Variants in FAAH2 observed in about 807,000 individuals in gnomAD.
FAAH2 encodes fatty-acid amide hydrolase 2.
FAAH2 carries 60 observed loss-of-function variants against 36.9 expected under a neutral mutation model. The observed-to-expected ratio is 1.63, with a 90% CI of 1.32 to 2.02. The LOEUF is 2.02. Ranked by LOEUF, FAAH2 falls within the 30% of genes most tolerant of loss-of-function variation. The pLI, the probability that FAAH2 is intolerant of heterozygous loss-of-function variation, is 0.00. For synonymous variants in FAAH2, 214 were observed against 143.8 expected (o/e 1.49, Z -3.49); for missense variants, 689 against 397.5 (o/e 1.73, Z -6.23).
At position 57,310,613 on chromosome X, in the gene FAAH2, AG is replaced by A. The variant is rs1569248202; in HGVS notation, c.298del (p.Ala100LeufsTer4). The A allele has an allele frequency of 8.3e-7, 1 of 1,205,135 alleles. No homozygotes were observed. The highest frequency in any genetic ancestry group is 1.1e-6 in the Non-Finnish European group (1 of 893,147). On this transcript the variant is annotated frameshift_variant, in exon 3 of 11. Transcript: ENST00000374900. LOFTEE classifies it high-confidence loss of function. ...CTTAGGTTTGAGGAAGCGATGAAGG[AG>A]GCTCATGCTGTAGATCAAAAGCTTG... ...VKYRFEEAMKEAHAVDQKLAE... is the reference protein window; with the variant it reads ...VKYRFEEAMKXAHAVDQKLAE...
At chrX:57,228,390 G>A in the FAAH2 span, among the ~76,000 whole-genome samples, 1 of 111,165 alleles carries the variant, frequency 9.0e-6, no homozygotes, top group Admixed American at 9.6e-5. Flanking sequence ...GTAAAGTTGG[G>A]AACTTCTCCC....
At chrX:57,173,711 A>C in the FAAH2 span, among the ~76,000 whole-genome samples, 17 of 111,672 alleles carry the variant, frequency 1.5e-4, no homozygotes, top group Non-Finnish European at 2.6e-4. Flanking sequence ...TGGGTTTGTC[A>C]TATGGTTTTT....
chrX:57,392,207 T>G (rs1279163849), intron 7 of FAAH2, among the ~76,000 whole-genome samples: 1 of 111,219 alleles, frequency 9.0e-6, no homozygotes, highest in East Asian at 2.8e-4. Context: ...TATAGGAATT[T>G]TATGTAAAGT....
intron 7 of FAAH2, among the ~76,000 whole-genome samples, chrX:57,412,030 C>T (rs1418465271): frequency 9.0e-6 from 1 of 111,513 alleles, no homozygotes; most frequent in African/African-American, 3.3e-5. Context: ...TATTTCGATA[C>T]AAGTATACAA....
intron 5 of FAAH2, among the ~76,000 whole-genome samples, chrX:57,354,444 G>C (rs775182500): frequency 5.4e-5 from 6 of 110,613 alleles, no homozygotes; most frequent in Non-Finnish European, 1.1e-4. Context: ...GGCTGAGAGA[G>C]TGGAACACGA....
the FAAH2 span, among the ~76,000 whole-genome samples, chrX:57,246,156 CCTA>C: frequency 3.6e-5 from 4 of 111,232 alleles, no homozygotes; most frequent in African/African-American, 1.3e-4. Context: ...ACACATAAAC[CCTA>C]CTAAGTCTAA....
the FAAH2 span, among the ~76,000 whole-genome samples, chrX:57,157,242 G>T: frequency 1.8e-5 from 2 of 111,649 alleles, no homozygotes; most frequent in African/African-American, 6.5e-5. Flanking sequence ...ACTGCAGCTG[G>T]TGTCCTGCTG....
chrX:57,146,285 C>G, the FAAH2 span, among the ~76,000 whole-genome samples: 1 of 110,999 alleles, frequency 9.0e-6, no homozygotes, highest in Non-Finnish European at 1.9e-5. Flanking sequence ...CTTTCACCCT[C>G]TGAGTTATGT....
At chrX:57,453,349 AAAC>A (rs2056816613) in intron 10 of FAAH2, among the ~76,000 whole-genome samples, 1 of 112,787 alleles carries the variant, frequency 8.9e-6, no homozygotes, top group Non-Finnish European at 1.9e-5. Context: ...TGAGACCCAC[AAAC>A]AACAATGCCC....
chrX:57,251,998 A>T, the FAAH2 span, among the ~76,000 whole-genome samples: 1 of 112,356 alleles, frequency 8.9e-6, no homozygotes, highest in Admixed American at 9.4e-5. Context: ...ACTCCTTTCC[A>T]AATGCTGTGC....
At chrX:57,391,544 C>T (rs1253860338) in intron 7 of FAAH2, among the ~76,000 whole-genome samples, 2 of 110,569 alleles carry the variant, frequency 1.8e-5, no homozygotes, top group Non-Finnish European at 3.8e-5. Context: ...GCCAATTTTG[C>T]CAGAACTCTT....
intron 4 of FAAH2, among the ~76,000 whole-genome samples, chrX:57,332,448 A>G (rs1196718086): frequency 8.9e-6 from 1 of 112,211 alleles, no homozygotes. Context: ...CAATTCTTAA[A>G]TTTATCAATA....
rs771871081 is a variant in FAAH2 at position 57,288,338 on chromosome X, C to CTTTTTTTTTTTTTTT, written c.192+1336_192+1350dup. Among the ~76,000 whole-genome samples, 159 of 40,350 alleles carry CTTTTTTTTTTTTTTT rather than the reference C, an allele frequency of 3.9e-3. 22 individuals are homozygous for CTTTTTTTTTTTTTTT. Among genetic ancestry groups the CTTTTTTTTTTTTTTT allele is most frequent in the African/African-American group, 0.021 (155 of 7,301 alleles). The allele number at this position is 40,350 out of a possible 115,157, so 35.0% of individuals were successfully genotyped here. ...TAGCTCTGTGATCTTAAAAACATTT[C>CTTTTTTTTTTTTTTT]TTTTTTTTTTTTTTTTTTTTTTTTT... On this transcript the variant is annotated intron_variant, in intron 1 of 10. Coordinates refer to ENST00000374900, the MANE Select transcript of FAAH2 (RefSeq NM_174912.4).
intron 8 of FAAH2, among the ~76,000 whole-genome samples, chrX:57,433,033 T>C (rs927940873): frequency 1.3e-4 from 14 of 110,539 alleles, no homozygotes; most frequent in Non-Finnish European, 2.1e-4. Flanking sequence ...AGAAACACTT[T>C]GGAAATCTCT....
rs2053411363 is a variant in FAAH2, at chrX:57,331,685, G to T, written c.500G>T (p.Gly167Val). 13 of 1,209,671 alleles carry T rather than the reference G, an allele frequency of 1.1e-5. No individual in the cohort carries two copies. Among genetic ancestry groups the T allele is most frequent in the Non-Finnish European group, 1.5e-5 (13 of 894,987 alleles). The change falls in exon 4 of 11, where the codon GGT (glycine) becomes GTT (valine). Residue 167 changes from glycine (G) to valine (V), a missense_variant. Transcript: ENST00000374900. Reference sequence around the variant, plus strand: ...GTGGTGGCATTACTGAAGGGAGCTGGTGCCATTCCTCTTGGCATAACCAAC... The same window carrying T: ...GTGGTGGCATTACTGAAGGGAGCTGTTGCCATTCCTCTTGGCATAACCAAC... ...ATVVALLKGA[G>V]AIPLGITNCS...
the FAAH2 span, among the ~76,000 whole-genome samples, chrX:57,222,116 C>T: frequency 7.2e-5 from 8 of 111,451 alleles, no homozygotes; most frequent in Admixed American, 6.6e-4. Context: ...AGCTCACAAC[C>T]GACCACATAT....
chrX:57,404,941 C>A (rs1028501609), intron 7 of FAAH2, among the ~76,000 whole-genome samples: 1 of 111,589 alleles, frequency 9.0e-6, no homozygotes, highest in African/African-American at 3.3e-5. Flanking sequence ...CCCTCAGCTT[C>A]CCCAGAAAAA....
the FAAH2 span, among the ~76,000 whole-genome samples, chrX:57,154,446 C>G: frequency 9.4e-6 from 1 of 106,638 alleles, no homozygotes; most frequent in East Asian, 3.0e-4. Context: ...TTTTTTATTG[C>G]ATTTTTAGTA....
chrX:57,393,213 C>G, intron 7 of FAAH2: 1 of 1,200,029 alleles, frequency 8.3e-7, no homozygotes, highest in Non-Finnish European at 1.1e-6. Context: ...AACATTCTGG[C>G]ATTTTCAGTT....
Sources: allele counts gnomAD v4.1 joint callset (sites outside exome capture counted in the v4.1 genomes callset), GRCh38; gene constraint gnomAD v4.1.1; transcripts MANE v1.5; gene names NCBI Gene and HGNC (gene_info 2026-07-23, HGNC 2026-07-21).